Variants in HS3ST4 observed in about 807,000 individuals in gnomAD.
The protein encoded by HS3ST4 is heparan sulfate-glucosamine 3-sulfotransferase 4.
A neutral mutation model predicts 29.2 loss-of-function variants in HS3ST4; 17 were observed. The ratio of observed to expected loss-of-function variants is 0.58; its 90% CI spans 0.40 to 0.87. The LOEUF (loss-of-function observed/expected upper bound fraction) is 0.87. HS3ST4 is among the 40% of genes least tolerant of loss of function. The pLI, the probability that HS3ST4 is intolerant of heterozygous loss-of-function variation, is 0.00. For synonymous variants in HS3ST4, 314 were observed against 285.7 expected (o/e 1.10, Z -1.00); for missense variants, 627 against 634.5 (o/e 0.99, Z 0.13).
intron 1 of HS3ST4, among the ~76,000 whole-genome samples, chr16:26,062,370 T>C (rs1256442290): frequency 1.3e-5 from 2 of 152,212 alleles, no homozygotes; most frequent in Non-Finnish European, 2.9e-5. Context: ...GGCACTGTGA[T>C]TGGGGCACAT....
chr16:25,939,659 A>G (rs906106821), intron 1 of HS3ST4, among the ~76,000 whole-genome samples: 5 of 152,050 alleles, frequency 3.3e-5, no homozygotes, highest in African/African-American at 1.2e-4. Flanking sequence ...AAAGGTAAAC[A>G]TCCTGTTTGT....
chr16:25,782,386 C>T (rs1966853434), intron 1 of HS3ST4, among the ~76,000 whole-genome samples: 1 of 152,194 alleles, frequency 6.6e-6, no homozygotes, highest in South Asian at 2.1e-4. Flanking sequence ...AGAACTTGGT[C>T]CTGTGGACTG....
chr16:26,035,149 C>T (rs773511176), intron 1 of HS3ST4, among the ~76,000 whole-genome samples: 5 of 152,188 alleles, frequency 3.3e-5, no homozygotes, highest in Non-Finnish European at 7.3e-5. Context: ...TAGGTAAGAA[C>T]ATGCCATGAG....
intron 1 of HS3ST4, among the ~76,000 whole-genome samples, chr16:26,070,912 C>G (rs1898596015): frequency 6.6e-6 from 1 of 152,186 alleles, no homozygotes; most frequent in Non-Finnish European, 1.5e-5. Flanking sequence ...TCTGGAGAAA[C>G]TTGTGGTACA....
chr16:25,791,574 T>C lies in HS3ST4; in HGVS notation c.734+98423T>C, dbSNP rs938879685. ...ATAACCTTTCATTTATTAAAGTGTCTTTTAATTTATCTCAATAATATTTTG... is the reference window on the plus strand; with the variant it reads ...ATAACCTTTCATTTATTAAAGTGTCCTTTAATTTATCTCAATAATATTTTG... On this transcript the variant is annotated intron_variant, in intron 1 of 1. Coordinates refer to ENST00000331351, the MANE Select transcript of HS3ST4 (RefSeq NM_006040.3). Among the ~76,000 whole-genome samples the C allele has an allele frequency of 1.1e-4, 16 of 152,264 alleles. No individual in the cohort carries two copies. In the East Asian group the frequency reaches 2.5e-3, roughly 24 times the overall value.
intron 1 of HS3ST4, among the ~76,000 whole-genome samples, chr16:26,111,974 G>A (rs1899136087): frequency 6.8e-6 from 1 of 147,840 alleles, no homozygotes; most frequent in African/African-American, 2.5e-5. Flanking sequence ...CCAAGATCAT[G>A]CCACTGCACT....
chr16:26,127,342 A>G (rs1362600216), intron 1 of HS3ST4, among the ~76,000 whole-genome samples: 1 of 152,166 alleles, frequency 6.6e-6, no homozygotes, highest in African/African-American at 2.4e-5. Context: ...GTCAGTCACG[A>G]TGGCTCACGC....
chr16:25,882,833 G>A (rs577374874), intron 1 of HS3ST4, among the ~76,000 whole-genome samples: 41 of 152,240 alleles, frequency 2.7e-4, no homozygotes, highest in African/African-American at 9.1e-4. Context: ...GTGATGAACC[G>A]TGCTCATGTG....
rs144575655 is a variant in HS3ST4 at position 26,066,480 on chromosome 16, C to T, written c.735-69132C>T. On this transcript the variant is annotated intron_variant, in intron 1 of 1. Coordinates refer to ENST00000331351, the MANE Select transcript of HS3ST4 (RefSeq NM_006040.3). ...ATTCTACATAAGAAATGAACAAAGG[C>T]GAAAAGTTTTAATCTGTTCCCCGTT... 2.7e-3 allele frequency among the ~76,000 whole-genome samples: 406 copies of T among 152,212 alleles called. 2 individuals are homozygous for T. The highest frequency in any genetic ancestry group is 8.9e-3 in the African/African-American group (370 of 41,536).
chr16:26,127,529 T>A (rs1223829244), intron 1 of HS3ST4, among the ~76,000 whole-genome samples: 1 of 152,220 alleles, frequency 6.6e-6, no homozygotes, highest in Non-Finnish European at 1.5e-5. Flanking sequence ...TTTCTCCTCC[T>A]GAAATCACTG....
rs577049515 is a variant in HS3ST4, at chr16:25,931,837, G to A, written c.735-203775G>A. Among the ~76,000 whole-genome samples the A allele has an allele frequency of 3.5e-4, 53 of 152,336 alleles. 2 individuals are homozygous for A. The South Asian group carries it at 9.9e-3, about 29-fold the overall frequency. On this transcript the variant is annotated intron_variant, in intron 1 of 1. Transcript: ENST00000331351. The stretch of plus-strand genomic sequence containing the variant: ...GTAAGCCATATGGCTCTGTCTGGGG[G>A]CTGCTCCTGCTATTCCTTCAAGTCT...
intron 1 of HS3ST4, among the ~76,000 whole-genome samples, chr16:25,851,652 G>A (rs1330055494): frequency 6.6e-6 from 1 of 152,132 alleles, no homozygotes; most frequent in African/African-American, 2.4e-5. Flanking sequence ...AGAGAACTTG[G>A]ATATACAATC....
At position 25,692,917 on chromosome 16, in the gene HS3ST4, C is replaced by T; in HGVS notation, c.500C>T (p.Thr167Ile). 1 of 1,601,432 alleles carries T rather than the reference C, an allele frequency of 6.2e-7. No individual in the cohort carries two copies. The highest frequency in any genetic ancestry group is 2.3e-5 in the East Asian group (1 of 44,336). ...AGGGAAGCGCAGGAGTCCAGCACCA[C>T]CGACGAGGATCTCGCAGGCCGGAGA... is the stretch of plus-strand genomic sequence containing the variant. ...PEREAQESST[T>I]DEDLAGRRAA... is the part of the protein sequence containing the mutation. The change falls in exon 1 of 2, where the codon ACC becomes ATC. Residue 167 changes from threonine (T) to isoleucine (I), a missense_variant. Physicochemically the swap from Thr to Ile is moderately conservative, Grantham distance 89. Around this residue, in one of 2 missense-constraint regions of HS3ST4, gnomAD observed 402 missense variants for 340.8 expected, o/e 1.18. Coordinates refer to ENST00000331351, the MANE Select transcript of HS3ST4 (RefSeq NM_006040.3).
intron 1 of HS3ST4, among the ~76,000 whole-genome samples, chr16:26,110,281 T>C (rs1394002910): frequency 6.6e-6 from 1 of 152,200 alleles, no homozygotes; most frequent in Non-Finnish European, 1.5e-5. Flanking sequence ...ATATATATGG[T>C]ATACATACAT....
At chr16:25,954,410 G>C (rs1968708884) in intron 1 of HS3ST4, among the ~76,000 whole-genome samples, 1 of 152,160 alleles carries the variant, frequency 6.6e-6, no homozygotes, top group African/African-American at 2.4e-5. Context: ...ACGGTTTCTA[G>C]CTGCTTGATC....
intron 1 of HS3ST4, among the ~76,000 whole-genome samples, chr16:25,701,000 C>T (rs531157507): frequency 6.6e-6 from 1 of 152,180 alleles, no homozygotes; most frequent in South Asian, 2.1e-4. Flanking sequence ...CAACAAAAGA[C>T]ATTTGATTGC....
chr16:25,858,344 G>T (rs1967605264), intron 1 of HS3ST4, among the ~76,000 whole-genome samples: 4 of 152,022 alleles, frequency 2.6e-5, no homozygotes. Context: ...CATGTACTCT[G>T]CTGTGTCCTG....
chr16:26,042,931 TC>T (rs1480659804), intron 1 of HS3ST4, among the ~76,000 whole-genome samples: 1 of 152,104 alleles, frequency 6.6e-6, no homozygotes, highest in Non-Finnish European at 1.5e-5. Context: ...AAATCCCTTT[TC>T]CCCGGTAACC....
At chr16:26,075,282 C>A (rs561632210) in intron 1 of HS3ST4, among the ~76,000 whole-genome samples, 1 of 152,232 alleles carries the variant, frequency 6.6e-6, no homozygotes, top group Non-Finnish European at 1.5e-5. Context: ...TATGGGCTAG[C>A]CAACCTCCTG....
Sources: gnomAD v4.1 joint callset for allele counts (sites outside exome capture counted in the v4.1 genomes callset) on GRCh38, gnomAD v4.1.1 for gene constraint, gnomAD v4.1.1 regional missense constraint, MANE v1.5 for transcripts, NCBI Gene and HGNC (gene_info 2026-07-23, HGNC 2026-07-21) for gene names.